ANK2: variants seen among roughly 807,000 people sequenced by gnomAD.
The protein encoded by ANK2 is ankyrin 2, also known as ankyrin-2.
Under a neutral mutation model 360.5 loss-of-function variants are expected in ANK2, and 83 were observed. That is an observed-to-expected ratio of 0.23 (90% CI 0.19 to 0.28). ANK2 has a LOEUF of 0.28. Ranked by LOEUF, ANK2 falls within the 10% of genes least tolerant of loss-of-function variation. The pLI, the probability that ANK2 is intolerant of heterozygous loss-of-function variation, is 1.00. For missense variants in ANK2, 4,201 were observed against 4,795.7 expected (o/e 0.88, Z 3.66); for synonymous variants, 1,740 against 1,759.5 (o/e 0.99, Z 0.28).
chr4:113,363,018 A>AT (rs1289863272), intron 39 of ANK2, among the ~76,000 whole-genome samples: 42 of 152,202 alleles, frequency 2.8e-4, no homozygotes, highest in Admixed American at 2.1e-3. Context: ...TCTTGCTTAA[A>AT]AGTATAAGCA....
intron 1 of ANK2, among the ~76,000 whole-genome samples, chr4:112,901,876 A>AG (rs1253053329): frequency 6.6e-6 from 1 of 151,982 alleles, no homozygotes; most frequent in African/African-American, 2.4e-5. Flanking sequence ...AAAAAAAAAA[A>AG]AAGGAAGAAG....
Position 113,350,741 on chromosome 4 carries a change from C to G in ANK2, c.4426+492C>G, listed in dbSNP as rs554273865. 105 of 155,206 alleles carry G rather than the reference C, an allele frequency of 6.8e-4. 1 individual carries two copies. Among genetic ancestry groups the G allele is most frequent in the Non-Finnish European group, 1.2e-3 (84 of 70,214 alleles). The allele number at this position is 155,206 out of a possible 1,614,324, so 9.6% of individuals were successfully genotyped here. A position where few individuals can be genotyped will look rare whatever the true frequency, so the allele number is the denominator to read the frequency against. ...CCCCATCCAATGCCTGCCCCCTCCC[C>G]CATCACTCTTTTGCACTTTTTACTG... On this transcript the variant is annotated intron_variant, in intron 37 of 45. Coordinates refer to ENST00000357077, the MANE Select transcript of ANK2 (RefSeq NM_001148.6).
intron 13 of ANK2, among the ~76,000 whole-genome samples, chr4:113,264,172 T>C (rs1416215516): frequency 6.6e-6 from 1 of 152,092 alleles, no homozygotes; most frequent in Admixed American, 6.5e-5. Context: ...ATTTCTTGTC[T>C]GATCCATTTT....
At chr4:112,770,709 CTCAA>C in the ANK2 span, among the ~76,000 whole-genome samples, 178 of 119,548 alleles carry the variant, frequency 1.5e-3, no homozygotes, top group African/African-American at 4.1e-3. Flanking sequence ...CTCTCTCTCT[CTCAA>C]AAAAAAAAAA....
chr4:113,090,378 T>G (rs2087245332), intron 1 of ANK2, among the ~76,000 whole-genome samples: 1 of 152,218 alleles, frequency 6.6e-6, no homozygotes, highest in African/African-American at 2.4e-5. Context: ...CATAGTGGTA[T>G]GAAACAGATA....
At chr4:112,831,583 G>GCT (rs35447968) in intron 1 of ANK2, among the ~76,000 whole-genome samples, 91,227 of 151,774 alleles carry the variant, frequency 0.6, 28,612 homozygotes, top group East Asian at 0.93. Context: ...GGGCCAATCA[G>GCT]CCCTGTAAAA....
the ANK2 span, among the ~76,000 whole-genome samples, chr4:112,796,749 A>C: frequency 6.6e-6 from 1 of 151,976 alleles, no homozygotes; most frequent in South Asian, 2.1e-4. Context: ...CTGTTGTAAC[A>C]AGCAGTTTCA....
chr4:113,122,741 G>A (rs1189662431), intron 1 of ANK2, among the ~76,000 whole-genome samples: 1 of 151,920 alleles, frequency 6.6e-6, no homozygotes, highest in Non-Finnish European at 1.5e-5. Context: ...AGTTTCCATA[G>A]AATCATTATT....
At chr4:112,810,133 A>G in the ANK2 span, among the ~76,000 whole-genome samples, 20 of 36,140 alleles carry the variant, frequency 5.5e-4, 1 homozygote, top group African/African-American at 2.0e-3. Context: ...GTGTATATAT[A>G]TATATATATA....
the ANK2 span, among the ~76,000 whole-genome samples, chr4:112,713,501 G>C: frequency 6.6e-6 from 1 of 152,098 alleles, no homozygotes; most frequent in Non-Finnish European, 1.5e-5. Context: ...CCCTGGAGGC[G>C]GAGGTTGCGG....
chr4:113,031,162 C>T (rs894895359), intron 2 of ANK2: 1 of 151,950 alleles, frequency 6.6e-6, no homozygotes, highest in African/African-American at 2.4e-5. Context: ...TTGCCAAAAA[C>T]TCTTTAAAAT....
chr4:113,285,121 T>G (rs6813622), intron 18 of ANK2, among the ~76,000 whole-genome samples: 73,356 of 151,214 alleles, frequency 0.49, 18,878 homozygotes, highest in South Asian at 0.61. Context: ...ACTTTCTATT[T>G]TCTTGATTTA....
At chr4:113,192,885 A>T (rs571395312) in intron 2 of ANK2, among the ~76,000 whole-genome samples, 2 of 150,104 alleles carry the variant, frequency 1.3e-5, no homozygotes, top group African/African-American at 4.9e-5. Flanking sequence ...GCACTACCAT[A>T]TTCAGTGTCA....
intron 1 of ANK2, among the ~76,000 whole-genome samples, chr4:112,882,699 G>A (rs920042009): frequency 1.4e-5 from 2 of 141,346 alleles, no homozygotes; most frequent in African/African-American, 5.4e-5. Context: ...ATTAATAATA[G>A]AATTTTTTTT....
chr4:112,714,701 C>T, the ANK2 span, among the ~76,000 whole-genome samples: 4 of 152,084 alleles, frequency 2.6e-5, no homozygotes, highest in South Asian at 2.1e-4. Flanking sequence ...ATTTCTAAAT[C>T]GGCTACATTG....
chr4:112,788,369 G>T, the ANK2 span: 4 of 1,555,586 alleles, frequency 2.6e-6, no homozygotes, highest in Non-Finnish European at 2.6e-6. Context: ...ACGACATAGG[G>T]CAGGCAAGAA....
intron 14 of ANK2, among the ~76,000 whole-genome samples, chr4:113,265,841 C>G (rs1318013844): frequency 2.6e-5 from 4 of 152,090 alleles, no homozygotes; most frequent in Non-Finnish European, 4.4e-5. Flanking sequence ...TAAGTTAGAG[C>G]TCATTTCAGT....
intron 1 of ANK2, among the ~76,000 whole-genome samples, chr4:113,063,362 T>C (rs1226519905): frequency 6.6e-6 from 1 of 152,150 alleles, no homozygotes. Context: ...ATTTCAGCAT[T>C]GCTTTCTCAG....
intron 1 of ANK2, among the ~76,000 whole-genome samples, chr4:112,890,965 G>A (rs1424954189): frequency 6.6e-6 from 1 of 152,194 alleles, no homozygotes; most frequent in African/African-American, 2.4e-5. Flanking sequence ...GAAAAATGAT[G>A]TAGTGTGCAG....
Sources: gnomAD v4.1 joint callset for allele counts (sites outside exome capture counted in the v4.1 genomes callset) on GRCh38, gnomAD v4.1.1 for gene constraint, MANE v1.5 for transcripts, NCBI Gene and HGNC (gene_info 2026-07-23, HGNC 2026-07-21) for gene names.